Variants in TMEM132D observed in about 807,000 individuals in gnomAD.
TMEM132D encodes mature OL transmembrane protein.
In TMEM132D, 21 loss-of-function variants were observed where a neutral mutation model predicts 62.3. That is an observed-to-expected ratio of 0.34 (90% CI 0.24 to 0.49). The LOEUF is 0.49. Among genes scored for constraint, TMEM132D ranks in the 20% least tolerant of loss-of-function variants. TMEM132D has a pLI of 0.99. For missense variants in TMEM132D, 1,346 were observed against 1,402.8 expected (o/e 0.96, Z 0.65); for synonymous variants, 621 against 575.6 (o/e 1.08, Z -1.13).
intron 1 of TMEM132D, among the ~76,000 whole-genome samples, chr12:129,872,517 T>G (rs1027498028): frequency 2.0e-5 from 3 of 152,180 alleles, no homozygotes; most frequent in African/African-American, 7.2e-5. Context: ...CGTTAAGAAC[T>G]AATGTTCTAT....
At chr12:129,190,097 T>TGCAGATGGAGGGAGGGAGTCTCAGGCC (rs1878342379) in intron 5 of TMEM132D, among the ~76,000 whole-genome samples, 6 of 20,730 alleles carry the variant, frequency 2.9e-4, no homozygotes, top group East Asian at 2.9e-3. Flanking sequence ...AGTCTCAGGC[T>TGCAGATGGAGGGAGGGAGTCTCAGGCC]TGCAGATGGA....
At position 129,562,645 on chromosome 12, in the gene TMEM132D, T is replaced by C. The variant is rs979985118; in HGVS notation, c.969-31440A>G. On this transcript the variant is annotated intron_variant, in intron 2 of 8. Transcript: ENST00000422113. Reference sequence around the variant, plus strand: ...CTCAATTTTCTAATACGGGAAATGGTAAGAACTTGCTTAGCCCAAACAACA... The same window carrying C: ...CTCAATTTTCTAATACGGGAAATGGCAAGAACTTGCTTAGCCCAAACAACA... Among the ~76,000 whole-genome samples the C allele has an allele frequency of 2.6e-5, 4 of 152,274 alleles. No individual in the cohort carries two copies. The South Asian group carries it at 8.3e-4, about 32-fold the overall frequency.
intron 5 of TMEM132D, among the ~76,000 whole-genome samples, chr12:129,121,488 A>T (rs1004117686): frequency 5.3e-5 from 8 of 152,188 alleles, no homozygotes; most frequent in Non-Finnish European, 4.4e-5. Flanking sequence ...CAAAAGAGTC[A>T]TTTGGGAAAG....
intron 3 of TMEM132D, among the ~76,000 whole-genome samples, chr12:129,481,776 T>C (rs1460038128): frequency 6.6e-6 from 1 of 152,124 alleles, no homozygotes; most frequent in Non-Finnish European, 1.5e-5. Context: ...AAATTAAAAC[T>C]GCACATATCC....
chr12:129,630,576 C>T (rs1205833119), intron 2 of TMEM132D, among the ~76,000 whole-genome samples: 1 of 152,068 alleles, frequency 6.6e-6, no homozygotes, highest in Non-Finnish European at 1.5e-5. Context: ...AAAAGTTAGC[C>T]TGACCCAGAA....
At chr12:129,624,282 T>C (rs948982399) in intron 2 of TMEM132D, among the ~76,000 whole-genome samples, 6 of 152,236 alleles carry the variant, frequency 3.9e-5, no homozygotes, top group Non-Finnish European at 7.3e-5. Context: ...AAAGCTTCTC[T>C]TTAAGAATGA....
intron 2 of TMEM132D, among the ~76,000 whole-genome samples, chr12:129,652,029 T>A (rs536468848): frequency 2.2e-4 from 34 of 152,326 alleles, no homozygotes; most frequent in African/African-American, 7.9e-4. Context: ...ATCATTTACC[T>A]GTGAGAACTA....
chr12:129,881,912 CAT>C (rs1253476641), intron 1 of TMEM132D, among the ~76,000 whole-genome samples: 1 of 151,802 alleles, frequency 6.6e-6, no homozygotes, highest in African/African-American at 2.4e-5. Flanking sequence ...AGTAAAGAAA[CAT>C]ATTGCTAATA....
chr12:129,674,715 A>G (rs534541167), intron 2 of TMEM132D, among the ~76,000 whole-genome samples: 1 of 151,988 alleles, frequency 6.6e-6, no homozygotes, highest in East Asian at 1.9e-4. Flanking sequence ...AATTTTTTGT[A>G]TTTTTAGTAC....
At chr12:129,808,496 G>T (rs1052759524) in intron 1 of TMEM132D, among the ~76,000 whole-genome samples, 2 of 152,160 alleles carry the variant, frequency 1.3e-5, no homozygotes, top group Non-Finnish European at 2.9e-5. Flanking sequence ...CGAAGACCAA[G>T]GAAGTCACGT....
chr12:129,657,255 G>T (rs1424041923), intron 2 of TMEM132D, among the ~76,000 whole-genome samples: 1 of 152,220 alleles, frequency 6.6e-6, no homozygotes, highest in African/African-American at 2.4e-5. Flanking sequence ...GCCAGTGTCT[G>T]TGCCACCCCA....
In TMEM132D at chr12:129,374,041, G is replaced by C. The variant is rs56834175; in HGVS notation, c.1116-36224C>G. ...AATGAAAGAAATAAAGAATAAAAAG[G>C]AATGTGTAAGAATGAGTTTCCCTCA... On this transcript the variant is annotated intron_variant, in intron 3 of 8. Coordinates refer to ENST00000422113, the MANE Select transcript of TMEM132D (RefSeq NM_133448.3). Among the ~76,000 whole-genome samples the C allele has an allele frequency of 8.6e-3, 1,312 of 152,270 alleles. 25 individuals carry two copies. The highest frequency in any genetic ancestry group is 0.03 in the African/African-American group (1,246 of 41,566).
chr12:129,452,959 G>A (rs1156718258), intron 3 of TMEM132D, among the ~76,000 whole-genome samples: 1 of 152,152 alleles, frequency 6.6e-6, no homozygotes, highest in Non-Finnish European at 1.5e-5. Flanking sequence ...ACTGGTTGGT[G>A]GCCTGTTAGG....
chr12:129,843,808 G>A (rs1001759027), intron 1 of TMEM132D, among the ~76,000 whole-genome samples: 8 of 152,214 alleles, frequency 5.3e-5, no homozygotes, highest in African/African-American at 1.4e-4. Flanking sequence ...TTATCAAATG[G>A]CCAGGCATGA....
rs921447666 is a variant in TMEM132D, at chr12:129,885,244, T to C, written c.79+18017A>G. On this transcript the variant is annotated intron_variant, in intron 1 of 8. Coordinates refer to ENST00000422113, the MANE Select transcript of TMEM132D (RefSeq NM_133448.3). ...TCTCAAAATTCACAGAACTGTTCAA[T>C]AGTAGAGGGAATTTTACTCTATGCA... Among the ~76,000 whole-genome samples the C allele has an allele frequency of 2.6e-5, 4 of 152,204 alleles. No homozygotes were observed. The East Asian group carries it at 7.7e-4, about 29-fold the overall frequency.
At chr12:129,337,529 CT>C in intron 4 of TMEM132D, 104 bp downstream of exon 4, 1 of 1,393,528 alleles carries the variant, frequency 7.2e-7, no homozygotes, top group Non-Finnish European at 9.9e-7. Context: ...TGTCCTGATT[CT>C]TGGCTCCTCC....
At chr12:129,490,833 G>C (rs961158372) in intron 3 of TMEM132D, among the ~76,000 whole-genome samples, 2 of 151,516 alleles carry the variant, frequency 1.3e-5, no homozygotes, top group Admixed American at 1.3e-4. Flanking sequence ...TCTGAGTTTC[G>C]GCGACCCCGT....
intron 3 of TMEM132D, among the ~76,000 whole-genome samples, chr12:129,358,352 AAGATG>A (rs1489877388): frequency 6.6e-6 from 1 of 152,196 alleles, no homozygotes; most frequent in Admixed American, 6.5e-5. Context: ...ATATAGGTTA[AAGATG>A]AGCTAAAGAA....
intron 2 of TMEM132D, among the ~76,000 whole-genome samples, chr12:129,572,371 G>A (rs155692): frequency 0.85 from 129,917 of 152,190 alleles, 55,548 homozygotes; most frequent in East Asian, 0.99. Context: ...AGGGTCTAAG[G>A]CGGGAAGTGG....
Sources: allele counts gnomAD v4.1 joint callset (sites outside exome capture counted in the v4.1 genomes callset), GRCh38; gene constraint gnomAD v4.1.1; transcripts MANE v1.5; gene names NCBI Gene and HGNC (gene_info 2026-07-23, HGNC 2026-07-21).